Variants in TET2 observed in about 807,000 individuals in gnomAD.
TET2 encodes the protein tet methylcytosine dioxygenase 2, also known as methylcytosine dioxygenase TET2.
In TET2, 299 loss-of-function variants were observed where a neutral mutation model predicts 142.9. The ratio of observed to expected loss-of-function variants is 2.09; its 90% CI spans 1.90 to 2.30. The LOEUF is 2.30. Ranked by LOEUF, TET2 falls within the 30% of genes most tolerant of loss-of-function variation. The pLI is 0.00. For synonymous variants in TET2, 819 were observed against 849.0 expected (o/e 0.96, Z 0.61); for missense variants, 2,418 against 2,378.0 (o/e 1.02, Z -0.35).
At chr4:105,259,505 G>C in intron 6 of TET2, 114 bp from the exon 7 acceptor site, 1 of 1,006,758 alleles carries the variant, frequency 9.9e-7, no homozygotes, top group South Asian at 2.0e-5. Context: ...GCTTAATACA[G>C]AGTTAGATTA....
chr4:105,242,696 G>C (rs1729368550), intron 4 of TET2, 138 bp from the exon 5 acceptor site: 1 of 1,446,540 alleles, frequency 6.9e-7, no homozygotes, highest in Non-Finnish European at 9.1e-7. Flanking sequence ...GCGTAGACCT[G>C]TTTAAAAAAT....
chr4:105,263,559 A>G (rs1226360882), intron 8 of TET2, among the ~76,000 whole-genome samples: 6 of 152,212 alleles, frequency 3.9e-5, no homozygotes, highest in Non-Finnish European at 7.3e-5. Flanking sequence ...GAAATTGGTA[A>G]GAAATAGTAA....
chr4:105,272,673 G>C lies in TET2; in HGVS notation c.4292G>C (p.Ser1431Thr). The change falls in exon 10 of 11, where the codon AGT becomes ACT. Residue 1431 changes from serine (S) to threonine (T), a missense_variant. Ser to Thr is a moderately conservative substitution (Grantham distance 58). Coordinates refer to ENST00000380013, the MANE Select transcript of TET2 (RefSeq NM_001127208.3). ...GTCTCTGACGTGGATGAGTTTGGGA[G>C]TGTGGAAGCTCAGGAGGAGAAAAAA... ...YKVSDVDEFGSVEAQEEKKRS... is the reference protein window; with the variant it reads ...YKVSDVDEFGTVEAQEEKKRS... The C allele has an allele frequency of 1.3e-6, 2 of 1,551,770 alleles. No individual in the cohort carries two copies. The highest frequency in any genetic ancestry group is 2.4e-5 in the South Asian group (2 of 84,062).
At chr4:105,233,606 A>G (rs183109288) in intron 2 of TET2, among the ~76,000 whole-genome samples, 1 of 152,296 alleles carries the variant, frequency 6.6e-6, no homozygotes, top group Non-Finnish European at 1.5e-5. Context: ...TAGGAATGAA[A>G]TTGATGCTAG....
intron 1 of TET2, 91 bp downstream of exon 1, chr4:105,147,070 T>C (rs896781485): frequency 5.9e-5 from 9 of 152,282 alleles, no homozygotes; most frequent in African/African-American, 2.2e-4. Context: ...GCAAACCCTG[T>C]AGTGTCACCC....
At chr4:105,175,191 C>T (rs1724711353) in intron 1 of TET2, among the ~76,000 whole-genome samples, 1 of 152,090 alleles carries the variant, frequency 6.6e-6, no homozygotes, top group African/African-American at 2.4e-5. Flanking sequence ...AATTATAAGG[C>T]ATGCTAAAAG....
At chr4:105,214,729 T>C (rs1285960541) in intron 2 of TET2, among the ~76,000 whole-genome samples, 2 of 152,028 alleles carry the variant, frequency 1.3e-5, no homozygotes, top group Non-Finnish European at 2.9e-5. Flanking sequence ...CTGGGGAGCT[T>C]CTGGATAGCT....
intron 1 of TET2, among the ~76,000 whole-genome samples, 186 bp from the exon 2 acceptor site, chr4:105,190,174 A>G (rs1163545391): frequency 6.6e-6 from 1 of 152,204 alleles, no homozygotes; most frequent in Non-Finnish European, 1.5e-5. Context: ...AGATATTAGA[A>G]TTGTTATTAT....
chr4:105,203,878 A>C (rs901233145), intron 2 of TET2, among the ~76,000 whole-genome samples: 1 of 152,048 alleles, frequency 6.6e-6, no homozygotes, highest in Non-Finnish European at 1.5e-5. Flanking sequence ...CCTGTTTTTT[A>C]ATGTTTCTAA....
intron 1 of TET2, among the ~76,000 whole-genome samples, chr4:105,186,297 C>T (rs1725438611): frequency 6.6e-6 from 1 of 152,070 alleles, no homozygotes; most frequent in South Asian, 2.1e-4. Context: ...TTTAAATGTG[C>T]TCATCGGCTT....
intron 2 of TET2, among the ~76,000 whole-genome samples, chr4:105,200,519 A>G (rs995193184): frequency 6.6e-6 from 1 of 151,610 alleles, no homozygotes; most frequent in Non-Finnish European, 1.5e-5. Flanking sequence ...TTGATAGTTT[A>G]TTTTGCTATG....
At position 105,234,054 on chromosome 4, in the gene TET2, A is replaced by G. The variant is rs763846739; in HGVS notation, c.112A>G (p.Ser38Gly). ...TCTGGCTACAAAGCTCCAGAATGGA[A>G]GCCCACTGCCTGAGAGAGCTCATCC... is the stretch of plus-strand genomic sequence containing the variant. ...EPLATKLQNGSPLPERAHPEV... is the reference protein window; with the variant it reads ...EPLATKLQNGGPLPERAHPEV... Residue 38 changes from serine to glycine, a missense_variant, in exon 3 of 11, where the codon AGC (serine) becomes GGC (glycine). By Grantham distance (56) the Ser-to-Gly change is moderately conservative. Coordinates refer to ENST00000380013, the MANE Select transcript of TET2 (RefSeq NM_001127208.3). 6.2e-7 allele frequency: 1 copy of G among 1,614,122 alleles called. No individual in the cohort carries two copies. Among genetic ancestry groups the G allele is most frequent in the African/African-American group, 1.3e-5 (1 of 75,046 alleles).
At position 105,275,898 on chromosome 4, in the gene TET2, G is replaced by C. The variant is rs1484799707; in HGVS notation, c.5388G>C (p.Gly1796=). 6.4e-7 allele frequency: 1 copy of C among 1,551,890 alleles called. No homozygotes were observed. The highest frequency in any genetic ancestry group is 8.7e-7 in the Non-Finnish European group (1 of 1,147,044). Residue 1796 remains glycine (G), a synonymous_variant, in exon 11 of 11, where the codon GGG becomes GGC. Coordinates refer to ENST00000380013, the MANE Select transcript of TET2 (RefSeq NM_001127208.3). ...ENDMLSHTAN[G]LSKMLPALNH... is the part of the protein sequence containing the mutation. ...ACATGCTTTCCCACACAGCTAATGG[G>C]TTATCAAAGATGCTTCCAGCTCTTA...
intron 1 of TET2, among the ~76,000 whole-genome samples, chr4:105,189,182 G>A (rs1481348137): frequency 1.3e-5 from 2 of 151,282 alleles, no homozygotes; most frequent in African/African-American, 4.8e-5. Flanking sequence ...TGTAAAATGG[G>A]AATAATAATA....
intron 2 of TET2, among the ~76,000 whole-genome samples, chr4:105,205,854 A>G (rs11941838): frequency 0.099 from 15,024 of 152,080 alleles, 1,864 homozygotes; most frequent in African/African-American, 0.29. Context: ...GGCCGGTCTC[A>G]AACTCCCAAC....
chr4:105,158,086 T>G (rs1230286315), intron 1 of TET2, among the ~76,000 whole-genome samples: 1 of 152,266 alleles, frequency 6.6e-6, no homozygotes, highest in Non-Finnish European at 1.5e-5. Flanking sequence ...TTTTTAAACA[T>G]ATATTGTAAT....
At chr4:105,224,684 G>GTCTCTCTCTCTCTCTCTCTCTCTCTCTC (rs34870510) in intron 2 of TET2, among the ~76,000 whole-genome samples, 4 of 108,150 alleles carry the variant, frequency 3.7e-5, no homozygotes, top group African/African-American at 1.1e-4. Context: ...ATATCAGCCA[G>GTCTCTCTCTCTCTCTCTCTCTCTCTCTC]TCTCTCTCTC....
At chr4:105,162,482 T>C (rs529515071) in intron 1 of TET2, among the ~76,000 whole-genome samples, 1 of 152,328 alleles carries the variant, frequency 6.6e-6, no homozygotes, top group South Asian at 2.1e-4. Context: ...TTTTAAACTA[T>C]CATTATCACC....
intron 6 of TET2, among the ~76,000 whole-genome samples, chr4:105,244,586 G>GTT (rs566674796): frequency 0.01 from 684 of 66,644 alleles, 77 homozygotes; most frequent in Non-Finnish European, 0.015. Context: ...ACACAGAAAT[G>GTT]TTTTTTTTTT....
Sources: gnomAD v4.1 joint callset for allele counts (sites outside exome capture counted in the v4.1 genomes callset) on GRCh38, gnomAD v4.1.1 for gene constraint, MANE v1.5 for transcripts, NCBI Gene and HGNC (gene_info 2026-07-23, HGNC 2026-07-21) for gene names.